Variants in DNAH17 observed in about 807,000 individuals in gnomAD.
DNAH17 encodes the protein dynein axonemal heavy chain 17.
A neutral mutation model predicts 485.6 loss-of-function variants in DNAH17; 376 were observed. The observed-to-expected ratio is 0.77, with a 90% CI of 0.71 to 0.84. The LOEUF is 0.84. DNAH17 is among the 40% of genes least tolerant of loss of function. The pLI, the probability that DNAH17 is intolerant of heterozygous loss-of-function variation, is 0.00. For synonymous variants in DNAH17, 3,031 were observed against 2,405.9 expected (o/e 1.26, Z -7.60); for missense variants, 6,370 against 5,839.3 (o/e 1.09, Z -2.96).
At chr17:78,445,305 A>G (rs1050374091) in intron 70 of DNAH17, among the ~76,000 whole-genome samples, 3 of 151,458 alleles carry the variant, frequency 2.0e-5, no homozygotes, top group African/African-American at 7.3e-5. Context: ...CCCAGAGGAT[A>G]TCACTCTCTG....
At position 78,496,036 on chromosome 17, in the gene DNAH17, C is replaced by A; in HGVS notation, c.5746-4G>T. On this transcript the variant is annotated splice_polypyrimidine_tract_variant and splice_region_variant and intron_variant, in intron 37 of 80. Coordinates refer to ENST00000389840, the MANE Select transcript of DNAH17 (RefSeq NM_173628.4). ...TTGCATCCTGGACACATTTTACCTG[C>A]ACGGTTGGTGACACAGACATGTTAG... 1 of 1,611,274 alleles carries A rather than the reference C, an allele frequency of 6.2e-7. No homozygotes were observed. Among genetic ancestry groups the A allele is most frequent in the Non-Finnish European group, 8.5e-7 (1 of 1,178,072 alleles).
intron 12 of DNAH17, 86 bp from the exon 13 acceptor site, chr17:78,561,021 G>A: frequency 7.4e-7 from 1 of 1,343,876 alleles, no homozygotes; most frequent in South Asian, 1.4e-5. Flanking sequence ...GCCCGATCTG[G>A]GGTGCCGAAG....
chr17:78,549,112 C>G (rs1160542937), intron 16 of DNAH17, among the ~76,000 whole-genome samples: 2 of 152,212 alleles, frequency 1.3e-5, no homozygotes, highest in Admixed American at 1.3e-4. Context: ...CGTCTGTGTT[C>G]TCTCATCTCC....
chr17:78,542,992 G>A (rs550623102), intron 17 of DNAH17, among the ~76,000 whole-genome samples: 258 of 152,332 alleles, frequency 1.7e-3, no homozygotes, highest in African/African-American at 6.1e-3. Context: ...ACATTGTGCT[G>A]GGCGAGGGCT....
chr17:78,459,052 T>C lies in DNAH17; in HGVS notation c.9810A>G (p.Ala3270=). 1 of 1,614,066 alleles carries C rather than the reference T, an allele frequency of 6.2e-7. No individual in the cohort carries two copies. Among genetic ancestry groups the C allele is most frequent in the Non-Finnish European group, 8.5e-7 (1 of 1,179,898 alleles). Residue 3270 remains alanine, a synonymous_variant, in exon 61 of 81, where the codon GCA becomes GCG. Coordinates refer to ENST00000389840, the MANE Select transcript of DNAH17 (RefSeq NM_173628.4). ...GCTTCTCTTGTGCCTCTGCCAGCTC[T>C]GCATTAGCCTCCTCCAGTGCCTGCC... ...PKRQALEEAN[A]ELAEAQEKLS...
Position 78,466,657 on chromosome 17 carries a change from G to A in DNAH17, c.8938C>T (p.Pro2980Ser). The change falls in exon 56 of 81, where the codon CCG becomes TCG. Residue 2980 changes from proline to serine, a missense_variant and splice_region_variant. Transcript: ENST00000389840. Reference protein sequence around the residue: ...ARFLEETEGIPWEVKASISFF... With the variant: ...ARFLEETEGISWEVKASISFF... ...CAGAGGTGGCCTCAGTGACTCACCG[G>A]AATCCCCTCAGTCTCCTCCAGGAAG... 1.9e-6 allele frequency: 3 copies of A among 1,607,016 alleles called. No homozygotes were observed. Among genetic ancestry groups the A allele is most frequent in the Non-Finnish European group, 2.5e-6 (3 of 1,176,716 alleles).
intron 48 of DNAH17, among the ~76,000 whole-genome samples, chr17:78,482,742 A>G (rs548715359): frequency 5.3e-5 from 8 of 152,268 alleles, no homozygotes; most frequent in Admixed American, 3.9e-4. Context: ...CACATCCACT[A>G]AACAGTCCAT....
intron 11 of DNAH17, among the ~76,000 whole-genome samples, chr17:78,563,068 A>C (rs1268124384): frequency 6.6e-6 from 1 of 152,210 alleles, no homozygotes; most frequent in Non-Finnish European, 1.5e-5. Flanking sequence ...AGGAGGAAAA[A>C]CCAAAACATG....
intron 34 of DNAH17, 49 bp downstream of exon 34, chr17:78,501,693 C>A (rs748531828): frequency 2.5e-6 from 4 of 1,597,742 alleles, no homozygotes; most frequent in Non-Finnish European, 3.4e-6. Context: ...GCCCTGAACC[C>A]GGTGTCCCCT....
chr17:78,526,886 T>C lies in DNAH17; in HGVS notation c.3618A>G (p.Gln1206=). The change falls in exon 23 of 81, where the codon CAA becomes CAG. Residue 1206 remains glutamine, a synonymous_variant. Coordinates refer to ENST00000389840, the MANE Select transcript of DNAH17 (RefSeq NM_173628.4). ...CCTGCCCCAGGTATAATACCTCGAA[T>C]TGCTGGCATTTCCGCCGCAGGATGC... ...EVSILRRKCQ[Q]FELKQHEFRE... 6.4e-7 allele frequency: 1 copy of C among 1,572,638 alleles called. No individual in the cohort carries two copies. The highest frequency in any genetic ancestry group is 8.6e-7 in the Non-Finnish European group (1 of 1,158,522).
intron 57 of DNAH17, among the ~76,000 whole-genome samples, chr17:78,462,245 G>A (rs1023502760): frequency 3.9e-4 from 54 of 139,266 alleles, no homozygotes; most frequent in African/African-American, 1.4e-3. Context: ...GTGACAGCGA[G>A]AGTTTGGTAG....
At position 78,426,541 on chromosome 17, in the gene DNAH17, G is replaced by A. The variant is rs369418121; in HGVS notation, c.12831C>T (p.Thr4277=). The A allele has an allele frequency of 1.4e-4, 220 of 1,613,694 alleles. No individual in the cohort carries two copies. Among genetic ancestry groups the A allele is most frequent in the East Asian group, 5.3e-4 (24 of 44,866 alleles). ...CCCGGGCCACCCACGTATCAGGCAC[G>A]GTGTCATAGAAGAGAGCCGTGGACA... ...EDLSTALFYD[T]VPDTWVARAY... The change falls in exon 79 of 81, where the codon ACC becomes ACT. Residue 4277 remains threonine (T), a synonymous_variant. Transcript: ENST00000389840.
chr17:78,525,546 G>A (rs1228518315), intron 24 of DNAH17, among the ~76,000 whole-genome samples: 1 of 152,246 alleles, frequency 6.6e-6, no homozygotes, highest in Non-Finnish European at 1.5e-5. Context: ...TAAGCAAAGA[G>A]GAAAAATCCG....
Position 78,517,914 on chromosome 17 carries a change from G to A in DNAH17, c.3865-2892C>T, listed in dbSNP as rs78753026. ...TATAGTTAAGAGGGGCAGAGGTGAGGGCAAAGAGATCTAAATGGAAGTGAG... is the reference window on the plus strand; with the variant it reads ...TATAGTTAAGAGGGGCAGAGGTGAGAGCAAAGAGATCTAAATGGAAGTGAG... On this transcript the variant is annotated intron_variant, in intron 25 of 80. Coordinates refer to ENST00000389840, the MANE Select transcript of DNAH17 (RefSeq NM_173628.4). Among the ~76,000 whole-genome samples, 228 of 152,244 alleles carry A rather than the reference G, an allele frequency of 1.5e-3. 1 individual carries two copies. The highest frequency in any genetic ancestry group is 5.3e-3 in the African/African-American group (219 of 41,540).
intron 62 of DNAH17, among the ~76,000 whole-genome samples, chr17:78,456,777 T>C (rs1169703294): frequency 6.6e-6 from 1 of 152,140 alleles, no homozygotes; most frequent in East Asian, 1.9e-4. Context: ...ACCATTTCGA[T>C]TTGGCAGGTG....
At chr17:78,430,640 G>C (rs1382727356) in intron 75 of DNAH17, among the ~76,000 whole-genome samples, 1 of 152,178 alleles carries the variant, frequency 6.6e-6, no homozygotes, top group Non-Finnish European at 1.5e-5. Context: ...GAGTGCAATG[G>C]TGCAGTCTCT....
rs187632187 is a variant in DNAH17 at position 78,553,449 on chromosome 17, G to A, written c.2179-644C>T. Among the ~76,000 whole-genome samples the A allele has an allele frequency of 8.8e-4, 133 of 151,922 alleles. 1 individual carries two copies. Among genetic ancestry groups the A allele is most frequent in the Admixed American group, 8.7e-3 (132 of 15,242 alleles). Reference sequence around the variant, plus strand: ...CCCCAGTAGCTGGGACTATAGGCATGCGCCACCATGCCCAGCTAATTTTTG... The same window carrying A: ...CCCCAGTAGCTGGGACTATAGGCATACGCCACCATGCCCAGCTAATTTTTG... On this transcript the variant is annotated intron_variant, in intron 14 of 80. Coordinates refer to ENST00000389840, the MANE Select transcript of DNAH17 (RefSeq NM_173628.4).
chr17:78,559,820 C>T lies in DNAH17; in HGVS notation c.2031+920G>A, dbSNP rs148679126. Among the ~76,000 whole-genome samples, 74 of 152,238 alleles carry T rather than the reference C, an allele frequency of 4.9e-4. 1 individual carries two copies. The highest frequency in any genetic ancestry group is 9.7e-4 in the Non-Finnish European group (66 of 68,012). On this transcript the variant is annotated intron_variant, in intron 13 of 80. Transcript: ENST00000389840. ...CGACCTTCCCCTTTGCCCATTCCCC[C>T]GCCCCACTGGCCTCCTTGCTGCTCC...
intron 25 of DNAH17, among the ~76,000 whole-genome samples, chr17:78,518,399 C>T (rs1266214486): frequency 2.0e-5 from 3 of 152,042 alleles, no homozygotes; most frequent in African/African-American, 4.8e-5. Flanking sequence ...TTCCTAGAGA[C>T]AAAAGGAACA....
Sources: allele counts gnomAD v4.1 joint callset (sites outside exome capture counted in the v4.1 genomes callset), GRCh38; gene constraint gnomAD v4.1.1; transcripts MANE v1.5; gene names NCBI Gene and HGNC (gene_info 2026-07-23, HGNC 2026-07-21).